Variants in PIGL observed in about 807,000 individuals in gnomAD.
The protein encoded by PIGL is phosphatidylinositol glycan anchor biosynthesis class L.
A neutral mutation model predicts 31.1 loss-of-function variants in PIGL; 22 were observed. The observed-to-expected ratio is 0.71, with a 90% CI of 0.51 to 1.01. The LOEUF is 1.01. Among genes scored for constraint, PIGL ranks in the 50% least tolerant of loss-of-function variants. The probability of loss-of-function intolerance (pLI) is 0.00; values close to 1 mark genes in which losing one functional copy is unlikely to be tolerated. For synonymous variants in PIGL, 131 were observed against 117.4 expected (o/e 1.12, Z -0.75); for missense variants, 302 against 315.9 (o/e 0.96, Z 0.33).
intron 2 of PIGL, among the ~76,000 whole-genome samples, chr17:16,241,173 G>T (rs1469901844): frequency 6.6e-6 from 1 of 151,222 alleles, no homozygotes; most frequent in Non-Finnish European, 1.5e-5. Context: ...AGAAATTTGG[G>T]ATAATGGAAA....
intron 2 of PIGL, among the ~76,000 whole-genome samples, chr17:16,263,833 CTTTTTTT>C (rs913026747): frequency 7.8e-5 from 6 of 76,980 alleles, no homozygotes; most frequent in South Asian, 4.0e-4. Flanking sequence ...TAAATGTTGA[CTTTTTTT>C]TTTTTTTTTT....
At chr17:16,268,238 T>C (rs60277322) in intron 2 of PIGL, among the ~76,000 whole-genome samples, 7,399 of 152,050 alleles carry the variant, frequency 0.049, 615 homozygotes, top group African/African-American at 0.17. Flanking sequence ...GATAGAAAAC[T>C]CAAAGGCATC....
At chr17:16,318,340 G>A (rs1196270152) in intron 6 of PIGL, among the ~76,000 whole-genome samples, 2 of 150,584 alleles carry the variant, frequency 1.3e-5, no homozygotes, top group African/African-American at 4.9e-5. Flanking sequence ...GTGCAATCTC[G>A]GCTCACTGCA....
chr17:16,236,316 T>G (rs2092699581), intron 2 of PIGL, among the ~76,000 whole-genome samples: 1 of 152,224 alleles, frequency 6.6e-6, no homozygotes, highest in African/African-American at 2.4e-5. Context: ...ATATGTTCTT[T>G]AATACTAAAT....
intron 5 of PIGL, 189 bp from the exon 6 acceptor site, chr17:16,317,586 G>A (rs547230343): frequency 1.8e-4 from 251 of 1,394,806 alleles, no homozygotes; most frequent in Non-Finnish European, 2.2e-4. Context: ...GTCTTCTATG[G>A]CCCTTTTACT....
At chr17:16,225,653 T>A (rs1292617202) in intron 1 of PIGL, among the ~76,000 whole-genome samples, 1 of 151,816 alleles carries the variant, frequency 6.6e-6, no homozygotes, top group African/African-American at 2.4e-5. Context: ...TTGTTGTTGT[T>A]GTTTTGTTTT....
intron 2 of PIGL, among the ~76,000 whole-genome samples, chr17:16,285,340 A>G (rs1568822524): frequency 6.6e-6 from 1 of 151,354 alleles, no homozygotes; most frequent in Non-Finnish European, 1.5e-5. Flanking sequence ...TAATCCCAGC[A>G]CTTTGGGAGG....
intron 2 of PIGL, among the ~76,000 whole-genome samples, chr17:16,268,444 TTTTG>T (rs1450555237): frequency 3.3e-5 from 5 of 152,110 alleles, no homozygotes; most frequent in Non-Finnish European, 5.9e-5. Flanking sequence ...TTTTGTTTTG[TTTTG>T]TTTGTTTTGT....
intron 6 of PIGL, among the ~76,000 whole-genome samples, chr17:16,320,400 A>AGG: frequency 8.3e-6 from 1 of 120,646 alleles, no homozygotes; most frequent in Non-Finnish European, 1.7e-5. Flanking sequence ...AAGAGAGGGG[A>AGG]GGGAGAGAAA....
At chr17:16,304,677 G>A (rs1276927314) in intron 3 of PIGL, among the ~76,000 whole-genome samples, 2 of 152,190 alleles carry the variant, frequency 1.3e-5, no homozygotes, top group South Asian at 2.1e-4. Context: ...GGGGGTAGTA[G>A]TGTCTTCTCT....
At chr17:16,252,711 G>C (rs2092777881) in intron 2 of PIGL, among the ~76,000 whole-genome samples, 1 of 152,058 alleles carries the variant, frequency 6.6e-6, no homozygotes, top group Non-Finnish European at 1.5e-5. Context: ...AAATAATTCT[G>C]TGTACATTTT....
intron 3 of PIGL, among the ~76,000 whole-genome samples, chr17:16,310,077 C>CAAAAAAAAAAAAA (rs58352380): frequency 1.1e-5 from 1 of 88,746 alleles, no homozygotes; most frequent in Non-Finnish European, 2.2e-5. Context: ...GACTCCATCT[C>CAAAAAAAAAAAAA]AAAAAAAAAA....
intron 2 of PIGL, among the ~76,000 whole-genome samples, chr17:16,238,089 G>A (rs999630268): frequency 1.3e-5 from 2 of 151,176 alleles, no homozygotes; most frequent in South Asian, 2.1e-4. Context: ...CCAGATACTC[G>A]GGAGGCTGAG....
chr17:16,274,812 A>T (rs892671509), intron 2 of PIGL, among the ~76,000 whole-genome samples: 8 of 151,930 alleles, frequency 5.3e-5, no homozygotes, highest in Non-Finnish European at 1.2e-4. Context: ...GGGGCGGATC[A>T]CCTAAGGTCA....
Position 16,316,765 on chromosome 17 carries a change from C to T in PIGL, c.526+53C>T, listed in dbSNP as rs754652979. The stretch of plus-strand genomic sequence containing the variant: ...CACAAGATACTGTCCCTCTGAGAAA[C>T]TTATGAGGGGGAAATTTGCAAATCC... On this transcript the variant is annotated intron_variant, in intron 5 of 6. Coordinates refer to ENST00000225609, the MANE Select transcript of PIGL (RefSeq NM_004278.4). The T allele has an allele frequency of 1.7e-4, 270 of 1,601,806 alleles. 2 individuals carry two copies. Among genetic ancestry groups the T allele is most frequent in the South Asian group, 6.6e-4 (60 of 90,632 alleles).
chr17:16,256,686 G>GT (rs1267687241), intron 2 of PIGL, among the ~76,000 whole-genome samples: 1 of 121,396 alleles, frequency 8.2e-6, no homozygotes, highest in Admixed American at 7.9e-5. Flanking sequence ...TGTTTGTTTT[G>GT]TTTTTTGTGT....
At chr17:16,323,637 G>A (rs901882651) in intron 6 of PIGL, among the ~76,000 whole-genome samples, 2 of 126,372 alleles carry the variant, frequency 1.6e-5, no homozygotes, top group African/African-American at 6.1e-5. Flanking sequence ...TTTTGAGACA[G>A]AGTCTCGCTC....
intron 6 of PIGL, among the ~76,000 whole-genome samples, chr17:16,325,214 A>G (rs1568851389): frequency 6.6e-6 from 1 of 151,512 alleles, no homozygotes; most frequent in Non-Finnish European, 1.5e-5. Flanking sequence ...GCATGGTGGC[A>G]GGTGCCTGTA....
intron 2 of PIGL, among the ~76,000 whole-genome samples, chr17:16,267,692 A>C (rs2092850620): frequency 6.6e-6 from 1 of 150,994 alleles, no homozygotes; most frequent in Admixed American, 6.6e-5. Flanking sequence ...GAGACTCCAT[A>C]TCAAAAAAAA....
Sources: allele counts gnomAD v4.1 joint callset (sites outside exome capture counted in the v4.1 genomes callset), GRCh38; gene constraint gnomAD v4.1.1; transcripts MANE v1.5; gene names NCBI Gene and HGNC (gene_info 2026-07-23, HGNC 2026-07-21).